Variants in FBXO34 observed in about 807,000 individuals in gnomAD.
FBXO34 encodes the protein F-box only protein 34.
A neutral mutation model predicts 24.5 loss-of-function variants in FBXO34; 12 were observed. The observed-to-expected ratio is 0.49, with a 90% CI of 0.31 to 0.79. The LOEUF (loss-of-function observed/expected upper bound fraction) is 0.79. Ranked by LOEUF, FBXO34 falls within the 30% of genes least tolerant of loss-of-function variation. FBXO34 has a pLI of 0.04. For synonymous variants in FBXO34, 320 were observed against 311.9 expected, an observed-to-expected ratio of 1.03 and a Z score of -0.27; for missense variants, 823 against 857.7, an observed-to-expected ratio of 0.96 and a Z score of 0.51.
chr14:55,298,784 C>T (rs377184454), intron 1 of FBXO34: 7 of 1,603,388 alleles, frequency 4.4e-6, no homozygotes, highest in Admixed American at 3.4e-5. Flanking sequence ...GGCACGGCAC[C>T]AAAAACAAGC....
At chr14:55,413,916 A>T in the FBXO34 span, 3 of 463,048 alleles carry the variant, frequency 6.5e-6, no homozygotes, top group Non-Finnish European at 8.5e-6. Flanking sequence ...CTCCTTTTTG[A>T]AAAGCAGCCA....
intron 1 of FBXO34, among the ~76,000 whole-genome samples, chr14:55,323,583 A>C (rs942867369): frequency 1.3e-5 from 2 of 151,904 alleles, no homozygotes; most frequent in Middle Eastern, 3.4e-3. Context: ...GAGTTTCACT[A>C]TGTTGGCCAG....
At chr14:55,294,891 A>T (rs778276987) in intron 1 of FBXO34, among the ~76,000 whole-genome samples, 1 of 152,188 alleles carries the variant, frequency 6.6e-6, no homozygotes, top group Non-Finnish European at 1.5e-5. Flanking sequence ...AAATCAGTTG[A>T]AAATAAATGC....
downstream of FBXO34, among the ~76,000 whole-genome samples, chr14:55,353,859 C>G (rs376223034): frequency 1.3e-5 from 2 of 152,172 alleles, no homozygotes; most frequent in Admixed American, 1.3e-4. Flanking sequence ...CTAGGAGATT[C>G]TTACAGCTTA....
At chr14:55,286,051 C>T (rs1262394732) in intron 1 of FBXO34, among the ~76,000 whole-genome samples, 1 of 152,310 alleles carries the variant, frequency 6.6e-6, no homozygotes, top group East Asian at 1.9e-4. Flanking sequence ...ATTTAGTATT[C>T]ATGGAGAATG....
At chr14:55,361,778 CT>C (rs1351627349) in exon 4 of FBXO34, 3 of 152,242 alleles carry the variant, frequency 2.0e-5, no homozygotes, top group African/African-American at 7.2e-5. Flanking sequence ...TAGCTTTTGA[CT>C]TTCCTTCTGC....
At chr14:55,292,765 A>G (rs1881983724) in intron 1 of FBXO34, among the ~76,000 whole-genome samples, 1 of 152,166 alleles carries the variant, frequency 6.6e-6, no homozygotes, top group Non-Finnish European at 1.5e-5. Context: ...CTACTTAGCT[A>G]CCATAGGTAC....
intron 1 of FBXO34, among the ~76,000 whole-genome samples, chr14:55,302,578 A>G (rs924754576): frequency 2.6e-5 from 4 of 151,338 alleles, no homozygotes; most frequent in African/African-American, 9.7e-5. Context: ...GGTGTGAGCC[A>G]CTGCACTTGG....
chr14:55,429,011 C>T, the FBXO34 span: 61 of 1,608,104 alleles, frequency 3.8e-5, no homozygotes, highest in East Asian at 5.1e-4. Context: ...ATGTCTTAAT[C>T]GCTACATCCT....
At chr14:55,299,787 TC>T (rs1226304757) in intron 1 of FBXO34, among the ~76,000 whole-genome samples, 24 of 152,254 alleles carry the variant, frequency 1.6e-4, no homozygotes, top group African/African-American at 5.3e-4. Context: ...TGTTTGACTT[TC>T]TAGCTTGCTA....
At chr14:55,440,557 G>C in the FBXO34 span, 31 of 1,579,552 alleles carry the variant, frequency 2.0e-5, no homozygotes, top group African/African-American at 4.1e-5. Flanking sequence ...TATGAGCCTG[G>C]GGGCAGCGAG....
At chr14:55,421,999 AAAT>A in the FBXO34 span, among the ~76,000 whole-genome samples, 1 of 152,238 alleles carries the variant, frequency 6.6e-6, no homozygotes, top group East Asian at 1.9e-4. Context: ...AGAAATATAA[AAAT>A]TAAAGTAATG....
chr14:55,363,092 G>C (rs1393088736), downstream of FBXO34, among the ~76,000 whole-genome samples: 1 of 145,994 alleles, frequency 6.8e-6, no homozygotes, highest in African/African-American at 2.5e-5. Context: ...GCACAATCTT[G>C]GCTCACTGCA....
chr14:55,368,020 CATA>C (rs1357957866), exon 3 of FBXO34: 5 of 152,732 alleles, frequency 3.3e-5, no homozygotes, highest in African/African-American at 1.2e-4. Flanking sequence ...ATGCCAATCA[CATA>C]AGATATGGTA....
At chr14:55,417,586 A>G in the FBXO34 span, among the ~76,000 whole-genome samples, 1 of 151,974 alleles carries the variant, frequency 6.6e-6, no homozygotes, top group Non-Finnish European at 1.5e-5. Flanking sequence ...CAGCCTCCCA[A>G]GTAGCTGGGA....
intron 1 of FBXO34, among the ~76,000 whole-genome samples, chr14:55,293,207 C>G (rs1472545588): frequency 2.6e-5 from 4 of 152,018 alleles, no homozygotes; most frequent in Non-Finnish European, 5.9e-5. Flanking sequence ...GAGACAGGTT[C>G]TCACTCTGCC....
the FBXO34 span, chr14:55,438,941 C>A: frequency 8.6e-5 from 9 of 104,132 alleles, no homozygotes; most frequent in African/African-American, 3.8e-4. Flanking sequence ...TGCTCTCTTG[C>A]CTTTTTTTTT....
At chr14:55,349,673 G>A (rs1025052551) in intron 1 of FBXO34, among the ~76,000 whole-genome samples, 8 of 146,858 alleles carry the variant, frequency 5.4e-5, no homozygotes, top group Non-Finnish European at 8.9e-5. Flanking sequence ...AGTGGTGTGT[G>A]CGATCTTGGC....
chr14:55,306,169 C>T (rs1748976022), intron 1 of FBXO34, among the ~76,000 whole-genome samples: 1 of 152,194 alleles, frequency 6.6e-6, no homozygotes, highest in African/African-American at 2.4e-5. Context: ...GAACACTAAA[C>T]TTCCAAAAAG....
Sources: allele counts gnomAD v4.1 joint callset (sites outside exome capture counted in the v4.1 genomes callset), GRCh38; gene constraint gnomAD v4.1.1; transcripts MANE v1.5; gene names NCBI Gene and HGNC (gene_info 2026-07-23, HGNC 2026-07-21).